Variants in MYOM3 observed in about 807,000 individuals in gnomAD.
The protein encoded by MYOM3 is myomesin 3.
In MYOM3, 155 loss-of-function variants were observed where a neutral mutation model predicts 191.7. The ratio of observed to expected loss-of-function variants is 0.81; its 90% CI spans 0.71 to 0.92. The LOEUF is 0.92. Among genes scored for constraint, MYOM3 ranks in the 40% least tolerant of loss-of-function variants. The pLI, the probability that MYOM3 is intolerant of heterozygous loss-of-function variation, is 0.00. For missense variants in MYOM3, 1,889 were observed against 1,890.6 expected, an observed-to-expected ratio of 1.00 and a Z score of 0.02; for synonymous variants, 757 against 762.9, an observed-to-expected ratio of 0.99 and a Z score of 0.13.
chr1:24,105,957 AG>A lies in MYOM3; in HGVS notation c.522del (p.Cys175AlafsTer58). On this transcript the variant is annotated frameshift_variant, in exon 5 of 37. Coordinates refer to ENST00000374434, the MANE Select transcript of MYOM3 (RefSeq NM_152372.4). LOFTEE classifies it high-confidence loss of function. ...AVWEHTTVLLTCTVQASPPPQ... is the reference protein window; with the variant it reads ...AVWEHTTVLLXCTVQASPPPQ... ...GGTGGTGGTGAGGCCTGGACAGTGCAGGTCAGCAGGACCGTGGTGTGCTCCC... is the reference window on the plus strand; with the variant it reads ...GGTGGTGGTGAGGCCTGGACAGTGCAGTCAGCAGGACCGTGGTGTGCTCCC... The A allele has an allele frequency of 6.2e-7, 1 of 1,613,852 alleles. No homozygotes were observed. Among genetic ancestry groups the A allele is most frequent in the Non-Finnish European group, 8.5e-7 (1 of 1,179,940 alleles).
rs776196190 is a variant in MYOM3 at position 24,089,594 on chromosome 1, C to T, written c.1558G>A (p.Ala520Thr). The change falls in exon 14 of 37, where the codon GCC (alanine) becomes ACC (threonine). Residue 520 changes from alanine (A) to threonine (T), a missense_variant. Transcript: ENST00000374434. ...TCCCGGGGGCTGGGCTCCTCCCAGG[C>T]CAGAACCACATAGGCCTCTCGGATC... ...SEIREAYVVL[A>T]WEEPSPRDRA... 6.3e-7 allele frequency: 1 copy of T among 1,596,638 alleles called. No homozygotes were observed. Among genetic ancestry groups the T allele is most frequent in the Non-Finnish European group, 8.5e-7 (1 of 1,171,858 alleles).
chr1:24,089,817 G>A, intron 13 of MYOM3, 152 bp from the exon 14 acceptor site: 1 of 1,024,728 alleles, frequency 9.8e-7, no homozygotes, highest in Non-Finnish European at 1.4e-6. Context: ...ATGCTGGGCA[G>A]AGCCGGGGCT....
chr1:24,058,823 T>C (rs1199759244), intron 36 of MYOM3, 101 bp downstream of exon 36: 2 of 894,838 alleles, frequency 2.2e-6, no homozygotes, highest in East Asian at 5.1e-5. Context: ...GGCCACTCTT[T>C]GGCTTTGAAT....
At position 24,086,808 on chromosome 1, in the gene MYOM3, G is replaced by A. The variant is rs368731626; in HGVS notation, c.1634C>T (p.Thr545Ile). Residue 545 changes from threonine (T) to isoleucine (I), a missense_variant, in exon 15 of 37, where the codon ACC becomes ATC. Thr to Ile is a moderately conservative substitution (Grantham distance 89, BLOSUM62 -1). Coordinates refer to ENST00000374434, the MANE Select transcript of MYOM3 (RefSeq NM_152372.4). ...GCTTTCCGAGCTGATGGCCTCCCAG[G>A]TGCCACTACCTATGACTGACTGAAG... The part of the protein sequence containing the change: ...SLEKSVIGSG[T>I]WEAISSESPV... 13 of 1,614,014 alleles carry A rather than the reference G, an allele frequency of 8.1e-6. No homozygotes were observed. In the Admixed American group the frequency reaches 1.0e-4, roughly 12 times the overall value.
chr1:24,070,380 G>T (rs999293916), intron 25 of MYOM3, among the ~76,000 whole-genome samples: 3 of 151,824 alleles, frequency 2.0e-5, no homozygotes, highest in African/African-American at 4.8e-5. Flanking sequence ...GAGTTCAGGA[G>T]TTTGCAGCCT....
Position 24,061,950 on chromosome 1 carries a change from C to T in MYOM3, c.3930G>A (p.Gly1310=), listed in dbSNP as rs770410120. The part of the protein sequence containing the change: ...EVRQLSTDLS[G]QAFEDAMAEH... Reference sequence around the variant, plus strand: ...AGACATAGGTGGATGGCTCACCTTGCCCTGAGAGATCTGTTGAGAGCTGCC... The same window carrying T: ...AGACATAGGTGGATGGCTCACCTTGTCCTGAGAGATCTGTTGAGAGCTGCC... Residue 1310 remains glycine (G), a synonymous_variant, in exon 33 of 37, where the codon GGG becomes GGA. Transcript: ENST00000374434. The T allele has an allele frequency of 6.4e-5, 103 of 1,614,012 alleles. No individual in the cohort carries two copies. Among genetic ancestry groups the T allele is most frequent in the Non-Finnish European group, 8.1e-5 (96 of 1,180,016 alleles).
intron 12 of MYOM3, among the ~76,000 whole-genome samples, 191 bp from the exon 13 acceptor site, chr1:24,090,309 T>C (rs1014141359): frequency 6.6e-6 from 1 of 152,156 alleles, no homozygotes; most frequent in Non-Finnish European, 1.5e-5. Context: ...GCCCTGCTGC[T>C]CTCAGGCCCT....
At chr1:24,064,222 A>C in intron 29 of MYOM3, 63 bp from the exon 30 acceptor site, 1 of 1,365,402 alleles carries the variant, frequency 7.3e-7, no homozygotes, top group Non-Finnish European at 1.0e-6. Context: ...ATGGATACCA[A>C]ATCCGGAGGC....
At position 24,082,073 on chromosome 1, in the gene MYOM3, C is replaced by T. The variant is rs1643676941; in HGVS notation, c.2208G>A (p.Leu736=). The change falls in exon 18 of 37, where the codon CTG becomes CTA. Residue 736 remains leucine (L), a synonymous_variant. Coordinates refer to ENST00000374434, the MANE Select transcript of MYOM3 (RefSeq NM_152372.4). The part of the protein sequence containing the change: ...RGGGKILGYF[L]DQHDSEELDW... ...CCAGCTCTTCCGAGTCATGCTGGTC[C>T]AGGAAGTAGCCCAGGATCTTGCCAC... 6.2e-7 allele frequency: 1 copy of T among 1,612,612 alleles called. No individual in the cohort carries two copies. The highest frequency in any genetic ancestry group is 1.3e-5 in the African/African-American group (1 of 74,738).
chr1:24,094,860 G>C lies in MYOM3; in HGVS notation c.921C>G (p.Phe307Leu). The C allele has an allele frequency of 6.2e-7, 1 of 1,612,394 alleles. No homozygotes were observed. Among genetic ancestry groups the C allele is most frequent in the Non-Finnish European group, 8.5e-7 (1 of 1,179,116 alleles). ...AGGACTGGGGGTCCTTACCATCTCG[G>C]AACCACTGGATGCTCTCAGCATCTA... Reference protein sequence around the residue: ...DVLDAESIQWFRDGSLLRSSR... With the variant: ...DVLDAESIQWLRDGSLLRSSR... The change falls in exon 9 of 37, where the codon TTC (phenylalanine) becomes TTG (leucine). Residue 307 changes from phenylalanine to leucine, a missense_variant. Transcript: ENST00000374434.
At chr1:24,106,549 G>T (rs911572810) in intron 4 of MYOM3, among the ~76,000 whole-genome samples, 1 of 152,098 alleles carries the variant, frequency 6.6e-6, no homozygotes. Flanking sequence ...TCAGCACTGA[G>T]AATTTTTACA....
In MYOM3 at chr1:24,061,299, A is replaced by C. The variant is rs1643366668; in HGVS notation, c.3945T>G (p.Asp1315Glu). Residue 1315 changes from aspartate (D) to glutamate (E), a missense_variant, in exon 34 of 37, where the codon GAT (aspartate) becomes GAG (glutamate). Transcript: ENST00000374434. ...STDLSGQAFE[D>E]AMAEHQRLKT... ...TCAGTCTCTGGTGTTCAGCCATTGC[A>C]TCCTCAAAAGCTATAAGAAGGACAG... 1 of 1,614,092 alleles carries C rather than the reference A, an allele frequency of 6.2e-7. No individual in the cohort carries two copies. Among genetic ancestry groups the C allele is most frequent in the Non-Finnish European group, 8.5e-7 (1 of 1,179,996 alleles).
At chr1:24,094,168 CT>C (rs746164315) in intron 9 of MYOM3, among the ~76,000 whole-genome samples, 2,047 of 126,226 alleles carry the variant, frequency 0.016, 22 homozygotes, top group African/African-American at 0.023. Context: ...CCCTCACTCA[CT>C]TTTTTTTTTT....
intron 28 of MYOM3, chr1:24,066,375 G>A (rs1280844251): frequency 8.0e-6 from 5 of 626,368 alleles, no homozygotes; most frequent in Non-Finnish European, 1.4e-5. Flanking sequence ...GGCCCACAGA[G>A]ACCACTTCAT....
chr1:24,108,347 G>C (rs766653419), intron 2 of MYOM3, 129 bp downstream of exon 2: 1 of 1,060,184 alleles, frequency 9.4e-7, no homozygotes, highest in African/African-American at 1.6e-5. Flanking sequence ...CAGACAGGGG[G>C]TTCAGAAAGC....
chr1:24,065,110 A>C (rs1175476929), intron 29 of MYOM3, among the ~76,000 whole-genome samples: 1 of 152,230 alleles, frequency 6.6e-6, no homozygotes, highest in Admixed American at 6.5e-5. Context: ...GATGATTATA[A>C]TAAAACTCTG....
intron 16 of MYOM3, chr1:24,083,516 T>C (rs1297072331): frequency 6.6e-6 from 1 of 152,394 alleles, no homozygotes; most frequent in African/African-American, 2.4e-5. Flanking sequence ...ACGACTTTAC[T>C]TTGTGATTGT....
rs185158975 is a variant in MYOM3 at position 24,102,812 on chromosome 1, C to T, written c.561-3037G>A. On this transcript the variant is annotated intron_variant, in intron 5 of 36. Coordinates refer to ENST00000374434, the MANE Select transcript of MYOM3 (RefSeq NM_152372.4). ...AGTGAGCTGTGACTGCACCACTGCA[C>T]TCCAGCCTGGCAACAGAGTGAGACC... 1.6e-3 allele frequency among the ~76,000 whole-genome samples: 248 copies of T among 152,306 alleles called. 2 individuals are homozygous for T. Among genetic ancestry groups the T allele is most frequent in the African/African-American group, 5.8e-3 (241 of 41,568 alleles).
In MYOM3 at chr1:24,095,155, G is replaced by T. The variant is rs140734437; in HGVS notation, c.791-165C>A. Among the ~76,000 whole-genome samples, 1,373 of 152,276 alleles carry T rather than the reference G, an allele frequency of 9.0e-3. 20 individuals carry two copies. The highest frequency in any genetic ancestry group is 0.031 in the African/African-American group (1,306 of 41,544). On this transcript the variant is annotated intron_variant, in intron 8 of 36. Coordinates refer to ENST00000374434, the MANE Select transcript of MYOM3 (RefSeq NM_152372.4). ...GGGGAAGAGACTTATCTAGGTAGTGGTCAGAGCAGCCAAAGAGCAAACATC... is the reference window on the plus strand; with the variant it reads ...GGGGAAGAGACTTATCTAGGTAGTGTTCAGAGCAGCCAAAGAGCAAACATC...
Sources: gnomAD v4.1 joint callset for allele counts (sites outside exome capture counted in the v4.1 genomes callset) on GRCh38, gnomAD v4.1.1 for gene constraint, MANE v1.5 for transcripts, NCBI Gene and HGNC (gene_info 2026-07-23, HGNC 2026-07-21) for gene names.